Variants in F5 observed in about 807,000 individuals in gnomAD.
F5 encodes activated protein c cofactor.
F5 carries 138 observed loss-of-function variants against 216.4 expected under a neutral mutation model. The observed-to-expected ratio is 0.64, with a 90% CI of 0.56 to 0.73. The LOEUF is 0.73. Among genes scored for constraint, F5 ranks in the 30% least tolerant of loss-of-function variants. F5 has a pLI of 0.00. For synonymous variants in F5, 916 were observed against 930.7 expected, an observed-to-expected ratio of 0.98 and a Z score of 0.29; for missense variants, 2,403 against 2,674.0, an observed-to-expected ratio of 0.90 and a Z score of 2.24.
intron 2 of F5, among the ~76,000 whole-genome samples, chr1:169,576,942 C>T (rs1406739415): frequency 1.3e-5 from 2 of 152,168 alleles, no homozygotes; most frequent in African/African-American, 2.4e-5. Context: ...ATTTATTCAA[C>T]CTCCCCTCCT....
rs539440672 is a variant in F5 at position 169,562,166 on chromosome 1, C to T, written c.374-1400G>A. On this transcript the variant is annotated intron_variant, in intron 3 of 24. Transcript: ENST00000367797. ...AAGATAGAGAAGAGTTCCATCATTC[C>T]AAAACATTTCTTCATGCCATTTGTA... Among the ~76,000 whole-genome samples the T allele has an allele frequency of 1.1e-4, 16 of 152,204 alleles. No individual in the cohort carries two copies. The East Asian group carries it at 3.1e-3, about 29-fold the overall frequency.
chr1:169,563,177 A>G (rs1030877096), intron 3 of F5, among the ~76,000 whole-genome samples: 6 of 152,070 alleles, frequency 3.9e-5, no homozygotes, highest in Non-Finnish European at 7.4e-5. Context: ...GTTTCTAACG[A>G]TAAGTCTGCT....
chr1:169,571,038 T>TAGG (rs5778622), intron 3 of F5, among the ~76,000 whole-genome samples: 41,688 of 151,854 alleles, frequency 0.27, 5,999 homozygotes, highest in South Asian at 0.36. Flanking sequence ...CTGGAACATG[T>TAGG]AGAAGGAAAG....
intron 7 of F5, among the ~76,000 whole-genome samples, chr1:169,553,821 G>C (rs1331599426): frequency 2.0e-5 from 3 of 152,208 alleles, no homozygotes; most frequent in Admixed American, 6.5e-5. Flanking sequence ...AGGTCATGGA[G>C]AGAAAGGAAC....
Position 169,523,835 on chromosome 1 carries a change from A to G in F5, c.5858T>C (p.Leu1953Pro). ...GSYNAWSVEK[L>P]AAEFASKPWI... The stretch of plus-strand genomic sequence containing the variant: ...AGGTTTAGAGGCAAATTCTGCTGCA[A>G]GTTTTTCTACACTCCAAGCATTATA... Residue 1953 changes from leucine (L) to proline (P), a missense_variant, in exon 20 of 25, where the codon CTT becomes CCT. By Grantham distance (98) the Leu-to-Pro change is moderately conservative. Around this residue, in one of 4 missense-constraint regions of F5, gnomAD observed 659 missense variants for 787.9 expected, o/e 0.84. Coordinates refer to ENST00000367797, the MANE Select transcript of F5 (RefSeq NM_000130.5). The G allele has an allele frequency of 6.2e-7, 1 of 1,613,944 alleles. No individual in the cohort carries two copies. Among genetic ancestry groups the G allele is most frequent in the South Asian group, 1.1e-5 (1 of 91,084 alleles).
At chr1:169,584,741 G>C (rs1557936709) in intron 1 of F5, among the ~76,000 whole-genome samples, 1 of 152,222 alleles carries the variant, frequency 6.6e-6, no homozygotes, top group East Asian at 1.9e-4. Context: ...GAAAATGCTA[G>C]AGAGAAATGA....
Position 169,540,531 on chromosome 1 carries a change from G to T in F5, c.4559C>A (p.Thr1520Lys). 2 of 1,613,926 alleles carry T rather than the reference G, an allele frequency of 1.2e-6. No individual in the cohort carries two copies. The highest frequency in any genetic ancestry group is 1.7e-6 in the Non-Finnish European group (2 of 1,179,936). The change falls in exon 13 of 25, where the codon ACA becomes AAA. Residue 1520 changes from threonine to lysine, a missense_variant. Thr to Lys is a moderately conservative substitution (Grantham distance 78, BLOSUM62 -1). Coordinates refer to ENST00000367797, the MANE Select transcript of F5 (RefSeq NM_000130.5). ...CTTTGGAATGATCTCAATGTAATCT[G>T]TACCATCTTTACTGAGGCCCACTAT... ...LVIVGLSKDG[T>K]DYIEIIPKEE...
Position 169,554,295 on chromosome 1 carries a change from C to T in F5, c.1118+887G>A, listed in dbSNP as rs140247303. Among the ~76,000 whole-genome samples the T allele has an allele frequency of 2.9e-3, 445 of 151,252 alleles. 4 individuals are homozygous for T. Among genetic ancestry groups the T allele is most frequent in the African/African-American group, 0.01 (425 of 41,112 alleles). Reference sequence around the variant, plus strand: ...CTTTCACTCCTTTAACAAAAGGCAGCTATGTATACACGCTATACTACATCC... The same window carrying T: ...CTTTCACTCCTTTAACAAAAGGCAGTTATGTATACACGCTATACTACATCC... On this transcript the variant is annotated intron_variant, in intron 7 of 24. Transcript: ENST00000367797.
In F5 at chr1:169,555,202, T is replaced by C; in HGVS notation, c.1098A>G (p.Val366=). The change falls in exon 7 of 25, where the codon GTA becomes GTG. Residue 366 remains valine, a synonymous_variant. Transcript: ENST00000367797. ...CTCACTTGTCCATATTCGCTGGTAT[T>C]ACAGGTGCATAGTCCCAAATGACTT... ...AEEVIWDYAP[V]IPANMDKKYR... 6.2e-7 allele frequency: 1 copy of C among 1,614,164 alleles called. No individual in the cohort carries two copies. The highest frequency in any genetic ancestry group is 8.5e-7 in the Non-Finnish European group (1 of 1,180,004).
rs543567093 is a variant in F5, at chr1:169,541,246, G to A, written c.3844C>T (p.His1282Tyr). Reference sequence around the variant, plus strand: ...CTGAAGTCTAGAGAAAGGGTTGTATGGCTGAGGTCTGGAGAAAGGGGCATC... The same window carrying A: ...CTGAAGTCTAGAGAAAGGGTTGTATAGCTGAGGTCTGGAGAAAGGGGCATC... Reference protein sequence around the residue: ...GQMPLSPDLSHTTLSLDFSQT... With the variant: ...GQMPLSPDLSYTTLSLDFSQT... The change falls in exon 13 of 25, where the codon CAT becomes TAT. Residue 1282 changes from histidine (H) to tyrosine (Y), a missense_variant. Around this residue, in one of 4 missense-constraint regions of F5, gnomAD observed 1,425 missense variants for 1,554.8 expected, o/e 0.92. Coordinates refer to ENST00000367797, the MANE Select transcript of F5 (RefSeq NM_000130.5). 2.5e-6 allele frequency: 4 copies of A among 1,590,956 alleles called. No homozygotes were observed. The East Asian group carries it at 6.8e-5, about 27-fold the overall frequency.
At position 169,540,499 on chromosome 1, in the gene F5, C is replaced by T; in HGVS notation, c.4591G>A (p.Val1531Ile). The part of the protein sequence containing the change: ...DYIEIIPKEE[V>I]QSSEDDYAEI... ...GCATAGTCATCTTCACTGCTCTGGACCTCTTCCTTTGGAATGATCTCAATG... is the reference window on the plus strand; with the variant it reads ...GCATAGTCATCTTCACTGCTCTGGATCTCTTCCTTTGGAATGATCTCAATG... Residue 1531 changes from valine to isoleucine, a missense_variant, in exon 13 of 25, where the codon GTC becomes ATC. This residue lies in a region of F5 where 293 missense variants were observed against 270.8 expected (regional missense o/e 1.08). Coordinates refer to ENST00000367797, the MANE Select transcript of F5 (RefSeq NM_000130.5). The T allele has an allele frequency of 8.1e-6, 13 of 1,613,966 alleles. 1 individual carries two copies. Among genetic ancestry groups the T allele is most frequent in the Non-Finnish European group, 1.1e-5 (13 of 1,179,962 alleles).
At chr1:169,544,831 A>G (rs1234251014) in intron 11 of F5, among the ~76,000 whole-genome samples, 3 of 152,244 alleles carry the variant, frequency 2.0e-5, no homozygotes, top group Non-Finnish European at 4.4e-5. Flanking sequence ...TAATAATTCC[A>G]CTTGGAGGAA....
chr1:169,526,403 T>G (rs573821763), intron 17 of F5, among the ~76,000 whole-genome samples: 106 of 152,264 alleles, frequency 7.0e-4, no homozygotes, highest in Admixed American at 4.1e-3. Flanking sequence ...TTTTTTCTCT[T>G]TTTTATATAA....
At chr1:169,518,092 G>A (rs1182997901) in intron 23 of F5, among the ~76,000 whole-genome samples, 1 of 152,154 alleles carries the variant, frequency 6.6e-6, no homozygotes, top group Non-Finnish European at 1.5e-5. Context: ...GAGTTGAGTA[G>A]TTATGGCAGA....
At chr1:169,555,431 T>A in intron 6 of F5, 84 bp from the exon 7 acceptor site, 1 of 1,379,096 alleles carries the variant, frequency 7.3e-7, no homozygotes, top group South Asian at 1.2e-5. Context: ...AATCAACTTG[T>A]GGAAGGTTTA....
intron 7 of F5, 53 bp from the exon 8 acceptor site, chr1:169,552,787 T>C: frequency 3.0e-6 from 4 of 1,327,408 alleles, no homozygotes; most frequent in Non-Finnish European, 4.3e-6. Flanking sequence ...GAGATCTCGG[T>C]AGGATGGGGA....
chr1:169,525,153 A>T lies in F5; in HGVS notation c.5717-245T>A, dbSNP rs113165086. On this transcript the variant is annotated intron_variant, in intron 18 of 24. Transcript: ENST00000367797. The stretch of plus-strand genomic sequence containing the variant: ...AATCCTGAAATGTAATCATTTTTTA[A>T]ACTGATTTTCTTCTGCTTTTATCTT... Among the ~76,000 whole-genome samples the T allele has an allele frequency of 6.2e-4, 95 of 152,212 alleles. 1 individual carries two copies. The highest frequency in any genetic ancestry group is 2.3e-3 in the African/African-American group (94 of 41,530).
At position 169,586,228 on chromosome 1, in the gene F5, C is replaced by T. The variant is rs973743818; in HGVS notation, c.158+1G>A. The T allele has an allele frequency of 6.2e-7, 1 of 1,614,028 alleles. No individual in the cohort carries two copies. Among genetic ancestry groups the T allele is most frequent in the Non-Finnish European group, 8.5e-7 (1 of 1,180,044 alleles). On this transcript the variant is annotated splice_donor_variant, in intron 1 of 24. Coordinates refer to ENST00000367797, the MANE Select transcript of F5 (RefSeq NM_000130.5). LOFTEE classifies it high-confidence loss of function. ...CCACCCGGACTCCACACCTGAGTTACCTTGAGTTTGTGGGCTCAGGTCGGT... is the reference window on the plus strand; with the variant it reads ...CCACCCGGACTCCACACCTGAGTTATCTTGAGTTTGTGGGCTCAGGTCGGT...
intron 1 of F5, 31 bp from the exon 2 acceptor site, chr1:169,582,553 A>G (rs967939227): frequency 8.2e-7 from 1 of 1,222,936 alleles, no homozygotes; most frequent in Non-Finnish European, 1.2e-6. Context: ...CTAATTTGAA[A>G]GGCATATTCA....
Sources: allele counts gnomAD v4.1 joint callset (sites outside exome capture counted in the v4.1 genomes callset), GRCh38; gene constraint gnomAD v4.1.1; regional missense constraint gnomAD v4.1.1; transcripts MANE v1.5; gene names NCBI Gene and HGNC (gene_info 2026-07-23, HGNC 2026-07-21).